Variants in INPP5D observed in about 807,000 individuals in gnomAD.
The protein encoded by INPP5D is phosphatidylinositol 3,4,5-trisphosphate 5-phosphatase 1.
INPP5D carries 33 observed loss-of-function variants against 122.9 expected under a neutral mutation model. The ratio of observed to expected loss-of-function variants is 0.27; its 90% CI spans 0.20 to 0.36. The LOEUF (loss-of-function observed/expected upper bound fraction) is 0.36. INPP5D is among the 10% of genes least tolerant of loss of function. The pLI is 1.00. For synonymous variants in INPP5D, 584 were observed against 576.2 expected, an observed-to-expected ratio of 1.01 and a Z score of -0.19; for missense variants, 1,053 against 1,412.7, an observed-to-expected ratio of 0.75 and a Z score of 4.08.
At chr2:233,196,588 A>G (rs182137428) in intron 24 of INPP5D, among the ~76,000 whole-genome samples, 104 of 152,302 alleles carry the variant, frequency 6.8e-4, no homozygotes, top group African/African-American at 2.3e-3. Flanking sequence ...CTGGGGGAAA[A>G]TGCACACTGG....
At chr2:233,090,718 G>C (rs914421167) in intron 2 of INPP5D, among the ~76,000 whole-genome samples, 1 of 152,188 alleles carries the variant, frequency 6.6e-6, no homozygotes, top group Admixed American at 6.5e-5. Flanking sequence ...AGCACTTTGG[G>C]AGGCCAAGGC....
intron 2 of INPP5D, among the ~76,000 whole-genome samples, chr2:233,092,869 A>G (rs544730224): frequency 7.9e-6 from 1 of 127,054 alleles, no homozygotes; most frequent in South Asian, 2.6e-4. Flanking sequence ...CTCCCACCCC[A>G]GCCCCCAGCA....
chr2:233,098,269 C>T (rs1234882701), intron 2 of INPP5D, among the ~76,000 whole-genome samples: 3 of 152,096 alleles, frequency 2.0e-5, no homozygotes, highest in Non-Finnish European at 4.4e-5. Flanking sequence ...AGGAGTGCAA[C>T]AGGAGTGCTG....
chr2:233,091,289 GTCT>G (rs1436340273), intron 2 of INPP5D, among the ~76,000 whole-genome samples: 16 of 152,198 alleles, frequency 1.1e-4, no homozygotes, highest in African/African-American at 3.9e-4. Context: ...CCTTATCGCT[GTCT>G]GCAAGGGGAT....
rs371416856 is a variant in INPP5D at position 233,121,134 on chromosome 2, C to CT, written c.199-958dup. ...CTTTCTTTCTTTCTTTTTTTTTTTT[C>CT]TTTTTTTTTTTTTTTGAGACAGGGT... On this transcript the variant is annotated intron_variant, in intron 2 of 26. Coordinates refer to ENST00000445964, the MANE Select transcript of INPP5D (RefSeq NM_001017915.3). Among the ~76,000 whole-genome samples, 604 of 103,372 alleles carry CT rather than the reference C, an allele frequency of 5.8e-3. 6 individuals carry two copies. Among genetic ancestry groups the CT allele is most frequent in the African/African-American group, 0.019 (520 of 26,880 alleles). 67.8% of individuals were successfully genotyped at this position (103,372 alleles called of 152,430 possible). A position where few individuals can be genotyped will look rare whatever the true frequency, so the allele number is the denominator to read the frequency against.
In INPP5D at chr2:233,079,327, T is replaced by A; in HGVS notation, c.135-8T>A. 2 of 1,578,732 alleles carry A rather than the reference T, an allele frequency of 1.3e-6. No homozygotes were observed. Among genetic ancestry groups the A allele is most frequent in the Non-Finnish European group, 1.7e-6 (2 of 1,147,862 alleles). ...ATGGGTTCTAATAAAGTCTTTGATC[T>A]ATTTCAGGTATCGGAATTGCGTTTA... On this transcript the variant is annotated splice_region_variant and splice_polypyrimidine_tract_variant and intron_variant, in intron 1 of 26. Coordinates refer to ENST00000445964, the MANE Select transcript of INPP5D (RefSeq NM_001017915.3).
intron 3 of INPP5D, 113 bp from the exon 4 acceptor site, chr2:233,125,632 G>A (rs1344206649): frequency 1.1e-5 from 10 of 918,388 alleles, no homozygotes; most frequent in Admixed American, 8.2e-5. Flanking sequence ...ACACGGGGAC[G>A]CAGATGGAGA....
intron 2 of INPP5D, among the ~76,000 whole-genome samples, chr2:233,083,271 A>G (rs1691738193): frequency 6.6e-6 from 1 of 152,184 alleles, no homozygotes; most frequent in Admixed American, 6.5e-5. Flanking sequence ...CATTCTAGGC[A>G]GTGCTGGGAG....
chr2:233,123,498 C>A (rs1693058763), intron 3 of INPP5D, among the ~76,000 whole-genome samples: 1 of 151,582 alleles, frequency 6.6e-6, no homozygotes, highest in Admixed American at 6.6e-5. Flanking sequence ...GTGTGTGAGA[C>A]TAAGGGTGCC....
At chr2:233,191,890 G>A (rs148531490) in intron 22 of INPP5D, among the ~76,000 whole-genome samples, 1 of 152,332 alleles carries the variant, frequency 6.6e-6, no homozygotes, top group Non-Finnish European at 1.5e-5. Flanking sequence ...ACAAATGAAA[G>A]CCCCACGCAT....
chr2:233,157,001 C>T (rs1222857580), intron 9 of INPP5D, among the ~76,000 whole-genome samples: 1 of 152,198 alleles, frequency 6.6e-6, no homozygotes, highest in Non-Finnish European at 1.5e-5. Flanking sequence ...GACATTGTTT[C>T]TCCAGCAATC....
Position 233,085,581 on chromosome 2 carries a change from A to C in INPP5D, c.198+6183A>C, listed in dbSNP as rs573988006. Among the ~76,000 whole-genome samples the C allele has an allele frequency of 3.9e-5, 6 of 152,092 alleles. No homozygotes were observed. In the South Asian group the frequency reaches 1.0e-3, roughly 26 times the overall value. On this transcript the variant is annotated intron_variant, in intron 2 of 26. Transcript: ENST00000445964. ...AATGTGTTCGGCTTGTTCACTTTGC[A>C]AACTCTGTTCTTTGACACAAAAGAC...
rs543954097 is a variant in INPP5D at position 233,080,976 on chromosome 2, C to T, written c.198+1578C>T. ...TAGGCTCAAGCAGAACCACTCCCTG[C>T]GTAGTTAGGCTGGCATTGCTGCCGG... On this transcript the variant is annotated intron_variant, in intron 2 of 26. Coordinates refer to ENST00000445964, the MANE Select transcript of INPP5D (RefSeq NM_001017915.3). Among the ~76,000 whole-genome samples, 8 of 152,320 alleles carry T rather than the reference C, an allele frequency of 5.3e-5. No individual in the cohort carries two copies. In the East Asian group the frequency reaches 1.4e-3, roughly 26 times the overall value.
chr2:233,201,363 A>G (rs1289115431), intron 25 of INPP5D, among the ~76,000 whole-genome samples: 1 of 152,238 alleles, frequency 6.6e-6, no homozygotes, highest in African/African-American at 2.4e-5. Flanking sequence ...AACAACGAGC[A>G]CACAGCTTGG....
At chr2:233,099,058 C>T (rs953149977) in intron 2 of INPP5D, among the ~76,000 whole-genome samples, 1 of 152,008 alleles carries the variant, frequency 6.6e-6, no homozygotes, top group Non-Finnish European at 1.5e-5. Context: ...TCAAGCAATT[C>T]TTCTGCCTCA....
intron 3 of INPP5D, 27 bp downstream of exon 3, chr2:233,122,284 G>A (rs2106256155): frequency 6.2e-7 from 1 of 1,606,980 alleles, no homozygotes; most frequent in Middle Eastern, 1.8e-4. Flanking sequence ...AGGACGGCAG[G>A]AGGTACTTTT....
At chr2:233,113,425 G>GTTTTGT (rs1692687063) in intron 2 of INPP5D, among the ~76,000 whole-genome samples, 1 of 145,162 alleles carries the variant, frequency 6.9e-6, no homozygotes, top group African/African-American at 2.8e-5. Context: ...AGAGCTGATT[G>GTTTTGT]TTTTGTTTTT....
intron 2 of INPP5D, among the ~76,000 whole-genome samples, chr2:233,083,704 G>T (rs1366502827): frequency 2.6e-5 from 4 of 152,196 alleles, no homozygotes; most frequent in Non-Finnish European, 5.9e-5. Flanking sequence ...CCCTCTTTGG[G>T]AAAGTAAGGA....
At chr2:233,117,309 G>A (rs754278585) in intron 2 of INPP5D, among the ~76,000 whole-genome samples, 1 of 152,168 alleles carries the variant, frequency 6.6e-6, no homozygotes, top group African/African-American at 2.4e-5. Flanking sequence ...GGGGACGCAG[G>A]CATTTGTTTT....
Sources: gnomAD v4.1 joint callset for allele counts (sites outside exome capture counted in the v4.1 genomes callset) on GRCh38, gnomAD v4.1.1 for gene constraint, MANE v1.5 for transcripts, NCBI Gene and HGNC (gene_info 2026-07-23, HGNC 2026-07-21) for gene names.